VWF: variants seen among roughly 807,000 people sequenced by gnomAD.
The protein encoded by VWF is von Willebrand factor, also known as Factor VIII related antigen.
In VWF, 176 loss-of-function variants were observed where a neutral mutation model predicts 308.6. The observed-to-expected ratio is 0.57, with a 90% CI of 0.50 to 0.65. The LOEUF is 0.65. VWF is among the 30% of genes least tolerant of loss of function. The pLI is 0.00. For missense variants in VWF, 3,146 were observed against 3,648.2 expected (o/e 0.86, Z 3.55); for synonymous variants, 1,385 against 1,443.4 (o/e 0.96, Z 0.92).
intron 38 of VWF, among the ~76,000 whole-genome samples, chr12:5,989,098 T>C (rs1044234648): frequency 1.3e-5 from 2 of 152,098 alleles, no homozygotes; most frequent in Non-Finnish European, 2.9e-5. Flanking sequence ...TTCTGGGCCA[T>C]GGACAAGGTT....
At chr12:6,072,512 T>G in intron 8 of VWF, 70 bp from the exon 9 acceptor site, 2 of 1,267,808 alleles carry the variant, frequency 1.6e-6, no homozygotes, top group Non-Finnish European at 2.3e-6. Context: ...AACTATAGAA[T>G]CCCCAGGGAC....
rs61700238 is a variant in VWF, at chr12:5,980,910, G to A, written c.7287+876C>T. 7.7e-3 allele frequency among the ~76,000 whole-genome samples: 1,172 copies of A among 152,200 alleles called. 17 individuals are homozygous for A. The highest frequency in any genetic ancestry group is 0.025 in the African/African-American group (1,058 of 41,514). On this transcript the variant is annotated intron_variant, in intron 42 of 51. Transcript: ENST00000261405. Reference sequence around the variant, plus strand: ...TCAGTTCTCACTCCGCCACTTTCGCGCCCTTCACTTTCCCACTCCATCAAT... The same window carrying A: ...TCAGTTCTCACTCCGCCACTTTCGCACCCTTCACTTTCCCACTCCATCAAT...
intron 28 of VWF, among the ~76,000 whole-genome samples, chr12:6,017,622 T>C (rs1199636828): frequency 6.6e-6 from 1 of 151,980 alleles, no homozygotes; most frequent in African/African-American, 2.4e-5. Flanking sequence ...GAGCAAGCAT[T>C]TTTTTTTGAG....
intron 45 of VWF, 181 bp from the exon 46 acceptor site, chr12:5,968,348 C>T: frequency 1.6e-6 from 1 of 642,664 alleles, no homozygotes; most frequent in Non-Finnish European, 2.7e-6. Context: ...CCACAGCGGC[C>T]TCCCTTCCCC....
In VWF at chr12:5,968,187, AGAGT is replaced by A. The variant is rs751700781; in HGVS notation, c.7730-24_7730-21del. 1 of 1,613,836 alleles carries A rather than the reference AGAGT, an allele frequency of 6.2e-7. No individual in the cohort carries two copies. Among genetic ancestry groups the A allele is most frequent in the African/African-American group, 1.3e-5 (1 of 75,048 alleles). ...TGCGCTCTGGGGGAGAGAAAAGTGC[AGAGT>A]GAGAGTGGGCAAAACACACCCTGGT... is the stretch of plus-strand genomic sequence containing the variant. On this transcript the variant is annotated intron_variant, in intron 45 of 51. Coordinates refer to ENST00000261405, the MANE Select transcript of VWF (RefSeq NM_000552.5).
chr12:5,967,994 G>A, intron 46 of VWF, 133 bp downstream of exon 46: 1 of 1,257,746 alleles, frequency 8.0e-7, no homozygotes. Context: ...CGTCCCACAG[G>A]CAGTGGAAAG....
intron 5 of VWF, among the ~76,000 whole-genome samples, chr12:6,103,100 G>A (rs1459826513): frequency 6.6e-6 from 1 of 152,104 alleles, no homozygotes; most frequent in African/African-American, 2.4e-5. Context: ...GGCCAAGGTG[G>A]GTGGATCACA....
chr12:6,031,323 C>G, intron 21 of VWF, 121 bp downstream of exon 21: 1 of 1,555,154 alleles, frequency 6.4e-7, no homozygotes, highest in African/African-American at 1.4e-5. Context: ...CTGCCTCATC[C>G]TCTTTAATGG....
Position 5,983,484 on chromosome 12 carries a change from C to CATAG in VWF, c.6977-231_6977-230insCTAT, listed in dbSNP as rs779653793. On this transcript the variant is annotated intron_variant, in intron 40 of 51. Coordinates refer to ENST00000261405, the MANE Select transcript of VWF (RefSeq NM_000552.5). ...GATTTGATAGATAGATAGATACATA[C>CATAG]ATACATACATACATACAGGATAGAT... is the stretch of plus-strand genomic sequence containing the variant. Among the ~76,000 whole-genome samples, 47 of 148,988 alleles carry CATAG rather than the reference C, an allele frequency of 3.2e-4. No homozygotes were observed. The East Asian group carries it at 8.1e-3, about 26-fold the overall frequency.
At position 6,110,515 on chromosome 12, in the gene VWF, C is replaced by T. The variant is rs76505074; in HGVS notation, c.391G>A (p.Gly131Ser). Reference protein sequence around the residue: ...ETEAGYYKLSGEAYGFVARID... With the variant: ...ETEAGYYKLSSEAYGFVARID... ...CTGGCCACAAAGCCATAGGCCTCAC[C>T]GGACAGCTTGTAGTACCCAGCCTCA... Residue 131 changes from glycine (G) to serine (S), a missense_variant, in exon 5 of 52, where the codon GGT becomes AGT. Physicochemically the swap from Gly to Ser is moderately conservative, Grantham distance 56 (BLOSUM62 0). This residue lies in a region of VWF where 1,304 missense variants were observed against 1,353.0 expected (regional missense o/e 0.96). Transcript: ENST00000261405. 2,341 of 1,614,140 alleles carry T rather than the reference C, an allele frequency of 1.5e-3. 23 individuals are homozygous for T. In the African/African-American group the frequency reaches 0.022, roughly 15 times the overall value.
At chr12:6,035,268 G>C (rs1406782505) in intron 19 of VWF, among the ~76,000 whole-genome samples, 1 of 152,232 alleles carries the variant, frequency 6.6e-6, no homozygotes, top group African/African-American at 2.4e-5. Context: ...GGAAAGCCCA[G>C]AGTATAGAAA....
intron 21 of VWF, 150 bp from the exon 22 acceptor site, chr12:6,029,638 C>T (rs546872168): frequency 1.1e-4 from 109 of 999,872 alleles, no homozygotes; most frequent in Non-Finnish European, 1.5e-4. Flanking sequence ...CACTGCACCC[C>T]TGCAGGGCCA....
chr12:6,089,777 T>C (rs887837768), intron 6 of VWF, among the ~76,000 whole-genome samples: 2 of 152,082 alleles, frequency 1.3e-5, no homozygotes, highest in Admixed American at 1.3e-4. Context: ...TTTGAAGCCA[T>C]GTTTCAGTAT....
At chr12:6,093,632 C>A (rs1039691052) in intron 6 of VWF, among the ~76,000 whole-genome samples, 1 of 152,218 alleles carries the variant, frequency 6.6e-6, no homozygotes, top group South Asian at 2.1e-4. Context: ...CCCAAAAGGG[C>A]AACAACCCCT....
intron 50 of VWF, among the ~76,000 whole-genome samples, chr12:5,951,474 A>C (rs539627728): frequency 6.2e-4 from 95 of 152,314 alleles, no homozygotes; most frequent in African/African-American, 2.2e-3. Flanking sequence ...TGTCTTCAAG[A>C]AGCTTTGGTT....
chr12:6,063,023 G>C lies in VWF; in HGVS notation c.1464C>G (p.Ala488=). 1 of 1,613,720 alleles carries C rather than the reference G, an allele frequency of 6.2e-7. No homozygotes were observed. Among genetic ancestry groups the C allele is most frequent in the African/African-American group, 1.3e-5 (1 of 75,044 alleles). The change falls in exon 13 of 52, where the codon GCC becomes GCG. Residue 488 remains alanine, a synonymous_variant. Coordinates refer to ENST00000261405, the MANE Select transcript of VWF (RefSeq NM_000552.5). The surrounding 1 kb of genome is among the most constrained non-coding windows in gnomAD (Gnocchi z 4.9). ...CCTCCCCGTAGCTGAGGCGCACGGA[G>C]GCCGTCACTGTATGCTGGATGCGGA... is the stretch of plus-strand genomic sequence containing the variant. ...GDLRIQHTVT[A]SVRLSYGEDL...
chr12:6,047,189 T>A (rs1363588287), intron 16 of VWF, among the ~76,000 whole-genome samples: 3 of 152,126 alleles, frequency 2.0e-5, no homozygotes, highest in African/African-American at 7.2e-5. Flanking sequence ...CCAGGCTCTG[T>A]CCTAGGCTCG....
At chr12:5,956,769 T>C (rs1943256371) in intron 47 of VWF, among the ~76,000 whole-genome samples, 1 of 152,218 alleles carries the variant, frequency 6.6e-6, no homozygotes, top group South Asian at 2.1e-4. Flanking sequence ...AGCTAAGTGT[T>C]ATTACAAGAA....
intron 34 of VWF, among the ~76,000 whole-genome samples, chr12:6,000,811 C>CAAAAAAAAAAAAAAAAAAAAAAA (rs71064181): frequency 1.4e-5 from 1 of 69,804 alleles, no homozygotes; most frequent in Non-Finnish European, 2.6e-5. Flanking sequence ...GACTCTGTCT[C>CAAAAAAAAAAAAAAAAAAAAAAA]AAAAAAAAAA....
Sources: gnomAD v4.1 joint callset for allele counts (sites outside exome capture counted in the v4.1 genomes callset) on GRCh38, gnomAD v4.1.1 for gene constraint, gnomAD v4.1.1 regional missense constraint, Gnocchi (gnomAD v3.1) non-coding constraint, MANE v1.5 for transcripts, NCBI Gene and HGNC (gene_info 2026-07-23, HGNC 2026-07-21) for gene names.